The following LIPJ variants were observed in gnomAD, a reference collection of about 807,000 sequenced individuals.
LIPJ encodes lipase family member J, also known as lipase member J.
A neutral mutation model predicts 39.8 loss-of-function variants in LIPJ; 33 were observed. The ratio of observed to expected loss-of-function variants is 0.83; its 90% confidence interval spans 0.63 to 1.11. The LOEUF is 1.11. Ranked by LOEUF, LIPJ falls within the 50% of genes least tolerant of loss-of-function variation. LIPJ has a pLI of 0.00. For missense variants in LIPJ, 422 were observed against 427.9 expected (o/e 0.99, Z 0.12); for synonymous variants, 128 against 139.2 (o/e 0.92, Z 0.57).
intron 9 of LIPJ, among the ~76,000 whole-genome samples, chr10:88,603,640 T>G (rs1392587642): frequency 1.3e-5 from 2 of 152,168 alleles, no homozygotes; most frequent in East Asian, 3.8e-4. Flanking sequence ...TCCTTTATTT[T>G]TAAAGTAAAA....
chr10:88,599,885 TA>T, intron 8 of LIPJ, among the ~76,000 whole-genome samples: 1 of 151,834 alleles, frequency 6.6e-6, no homozygotes, highest in Non-Finnish European at 1.5e-5. Context: ...TTAGTAAATT[TA>T]TTTTTATATA....
chr10:88,593,560 G>A (rs1389865799), intron 4 of LIPJ: 1 of 154,440 alleles, frequency 6.5e-6, no homozygotes, highest in Non-Finnish European at 1.4e-5. Context: ...TTATATGGTA[G>A]GACCAGTGGA....
At chr10:88,583,505 A>C (rs2134526343), upstream of LIPJ, 1 of 1,207,794 alleles carries the variant, frequency 8.3e-7, no homozygotes, top group South Asian at 2.0e-5. Context: ...TTGTTGGGAG[A>C]ACCCGCCTCG....
At chr10:88,609,453 A>C (rs1851724446), downstream of LIPJ, among the ~76,000 whole-genome samples, 1 of 152,252 alleles carries the variant, frequency 6.6e-6, no homozygotes, top group African/African-American at 2.4e-5. Flanking sequence ...TAATGGGATA[A>C]TAATTCAGAA....
chr10:88,589,504 C>A (rs1564930251), intron 2 of LIPJ, among the ~76,000 whole-genome samples: 2 of 151,780 alleles, frequency 1.3e-5, no homozygotes, highest in Non-Finnish European at 1.5e-5. Context: ...AATATAAATA[C>A]CTGGACCAAA....
intron 8 of LIPJ, among the ~76,000 whole-genome samples, chr10:88,597,833 A>G (rs1280003320): frequency 1.3e-5 from 2 of 151,858 alleles, no homozygotes; most frequent in Non-Finnish European, 2.9e-5. Context: ...AGCACCTACT[A>G]TGAGGGGCCT....
At chr10:88,599,566 C>T (rs965241254) in intron 8 of LIPJ, among the ~76,000 whole-genome samples, 6 of 151,776 alleles carry the variant, frequency 4.0e-5, no homozygotes, top group Admixed American at 6.6e-5. Flanking sequence ...CTTACTAGTA[C>T]CCTCCAGGTT....
At position 88,587,274 on chromosome 10, in the gene LIPJ, G is replaced by A. The variant is rs781628904; in HGVS notation, c.-222G>A. ...TTATTTTTTCTTTTTAGTATAATAT[G>A]CTTTTTCTTAGCTTTCCTATGACTC... is the stretch of plus-strand genomic sequence containing the variant. On this transcript the variant is annotated 5_prime_UTR_variant, in exon 2 of 11. The change abolishes an upstream ATG in the 5' untranslated region. Coordinates refer to ENST00000371939, the Ensembl canonical transcript of LIPJ. 4.0e-5 allele frequency: 6 copies of A among 151,326 alleles called. No homozygotes were observed. The highest frequency in any genetic ancestry group is 3.9e-4 in the East Asian group (2 of 5,154). 9.4% of individuals were successfully genotyped at this position (151,326 alleles called of 1,614,324 possible).
chr10:88,619,453 C>CCACACACACACACACA, the LIPJ span, among the ~76,000 whole-genome samples: 6,900 of 146,966 alleles, frequency 0.047, 220 homozygotes, highest in East Asian at 0.052. Context: ...CCCCCTCTTG[C>CCACACACACACACACA]CACACACACA....
the LIPJ span, among the ~76,000 whole-genome samples, chr10:88,619,836 G>A: frequency 1.5e-4 from 23 of 151,938 alleles, no homozygotes; most frequent in Admixed American, 3.9e-4. Context: ...TTGTGATCTT[G>A]AGTCAGGCAA....
intron 1 of LIPJ, 39 bp downstream of exon 1, chr10:88,586,884 T>A (rs1850932261): frequency 6.6e-6 from 1 of 152,306 alleles, no homozygotes; most frequent in South Asian, 2.1e-4. Context: ...GTTGAACTTC[T>A]TTTCATGTGT....
the LIPJ span, among the ~76,000 whole-genome samples, chr10:88,619,362 C>A: frequency 6.6e-6 from 1 of 151,724 alleles, no homozygotes; most frequent in African/African-American, 2.4e-5. Flanking sequence ...CTAATTCATA[C>A]ATATAAAAGT....
At chr10:88,583,455 C>G (rs1850783599), upstream of LIPJ, 1 of 1,327,450 alleles carries the variant, frequency 7.5e-7, no homozygotes, top group African/African-American at 1.5e-5. Context: ...GCCGGGCGCC[C>G]TGCCCCTCGC....
chr10:88,605,829 G>C (rs990113054), intron 10 of LIPJ, 125 bp downstream of exon 10: 15 of 636,624 alleles, frequency 2.4e-5, no homozygotes, highest in Non-Finnish European at 4.1e-5. Context: ...AGCAGATGAA[G>C]ATAATGTTTA....
At chr10:88,596,402 A>G (rs200192074) in exon 7 of LIPJ, 8 of 1,538,134 alleles carry the variant, frequency 5.2e-6, no homozygotes, top group South Asian at 1.3e-5. Context: ...ATACAAATGG[A>G]AGTCAATAGT....
chr10:88,619,947 TA>T, the LIPJ span, among the ~76,000 whole-genome samples: 2 of 151,720 alleles, frequency 1.3e-5, no homozygotes, highest in Admixed American at 1.3e-4. Context: ...GAAAAGACAC[TA>T]AAAAAATAAA....
chr10:88,591,313 G>C (rs1851071926), intron 3 of LIPJ, 65 bp from the exon 4 acceptor site: 1 of 1,301,672 alleles, frequency 7.7e-7, no homozygotes, highest in Admixed American at 2.1e-5. Flanking sequence ...CGTTAGAAAT[G>C]GCAAACCATT....
chr10:88,615,652 C>CAAAAAAAAAAAAAAAAAAAAAAAAAA, the LIPJ span, among the ~76,000 whole-genome samples: 1 of 75,234 alleles, frequency 1.3e-5, no homozygotes, highest in Non-Finnish European at 2.7e-5. Context: ...AAAAAAAAAA[C>CAAAAAAAAAAAAAAAAAAAAAAAAAA]AGAAAGAAAT....
Position 88,596,324 on chromosome 10 carries a change from A to C in LIPJ, c.484A>C (p.Lys162Gln), listed in dbSNP as rs1851254934. 3 of 1,547,450 alleles carry C rather than the reference A, an allele frequency of 1.9e-6. No individual in the cohort carries two copies. The South Asian group carries it at 3.8e-5, about 20-fold the overall frequency. ...TATATCAAAGATAGCTGAAAGAATC[A>C]AAATATTTTTTGCTTTAGCACCAGT... Residue 162 changes from lysine (K) to glutamine (Q), a missense_variant, in exon 7 of 11, where the codon AAA becomes CAA. By Grantham distance (53) the Lys-to-Gln change is moderately conservative. Transcript: ENST00000371939.
Sources: allele counts gnomAD v4.1 joint callset (sites outside exome capture counted in the v4.1 genomes callset), GRCh38; gene constraint gnomAD v4.1.1; transcripts MANE v1.5; gene names NCBI Gene and HGNC (gene_info 2026-07-23, HGNC 2026-07-21).